Variants in STX8 observed in about 807,000 individuals in gnomAD.
STX8 encodes the protein syntaxin 8, also known as syntaxin-8.
Under a neutral mutation model 37.5 loss-of-function variants are expected in STX8, and 23 were observed. That is an observed-to-expected ratio of 0.61 (90% CI 0.44 to 0.87). STX8 has a LOEUF of 0.87. Among genes scored for constraint, STX8 ranks in the 40% least tolerant of loss-of-function variants. STX8 has a pLI of 0.00. For synonymous variants in STX8, 115 were observed against 99.1 expected, an observed-to-expected ratio of 1.16 and a Z score of -0.95; for missense variants, 313 against 284.7, an observed-to-expected ratio of 1.10 and a Z score of -0.71.
At chr17:9,279,413 C>G (rs776696504) in intron 7 of STX8, among the ~76,000 whole-genome samples, 2 of 152,116 alleles carry the variant, frequency 1.3e-5, no homozygotes, top group African/African-American at 4.8e-5. Context: ...ATGAACCTGA[C>G]GCTCAGAAGC....
chr17:9,503,105 CAAAAA>C (rs61437085), intron 5 of STX8, among the ~76,000 whole-genome samples: 7 of 58,600 alleles, frequency 1.2e-4, no homozygotes, highest in African/African-American at 3.0e-4. Flanking sequence ...GACTCTGTCT[CAAAAA>C]AAAAAAAAAA....
intron 4 of STX8, among the ~76,000 whole-genome samples, chr17:9,541,898 C>G (rs1205789024): frequency 3.4e-4 from 51 of 152,196 alleles, no homozygotes; most frequent in Non-Finnish European, 1.5e-5. Context: ...CGTTCTAACC[C>G]TGCCACCTAC....
chr17:9,291,441 C>CAAA lies in STX8; in HGVS notation c.644-40799_644-40797dup, dbSNP rs371757156. On this transcript the variant is annotated intron_variant, in intron 7 of 7. Transcript: ENST00000306357. ...GGGCGATGGGAGTGAGACTCGGTCT[C>CAAA]AAAAAAAAAAAAAAAAAAAGTATGT... is the stretch of plus-strand genomic sequence containing the variant. Among the ~76,000 whole-genome samples the CAAA allele has an allele frequency of 9.7e-3, 821 of 84,994 alleles. 15 individuals carry two copies. The highest frequency in any genetic ancestry group is 0.037 in the African/African-American group (744 of 20,220). 55.8% of individuals were successfully genotyped at this position (84,994 alleles called of 152,430 possible).
chr17:9,354,894 C>A (rs973326896), intron 7 of STX8, among the ~76,000 whole-genome samples: 9 of 152,156 alleles, frequency 5.9e-5, no homozygotes, highest in African/African-American at 2.2e-4. Context: ...TTACTTCTCT[C>A]CCTTGTTTCT....
rs368937146 is a variant in STX8 at position 9,501,689 on chromosome 17, A to G, written c.448+3349T>C. ...CTGGGCAACAGTCTCAAAAAAATAA[A>G]CAGGCCAGGCACGGTGGCTCACGCC... On this transcript the variant is annotated intron_variant, in intron 5 of 7. Transcript: ENST00000306357. Among the ~76,000 whole-genome samples the G allele has an allele frequency of 3.1e-4, 45 of 146,390 alleles. 2 individuals carry two copies. In the South Asian group the frequency reaches 6.4e-3, roughly 21 times the overall value.
chr17:9,472,599 G>T (rs74707512), intron 6 of STX8, among the ~76,000 whole-genome samples: 2 of 152,230 alleles, frequency 1.3e-5, no homozygotes, highest in East Asian at 3.9e-4. Context: ...TTCCTTTGAG[G>T]TTCTCTTTGG....
chr17:9,558,243 G>A (rs1394767016), intron 2 of STX8, among the ~76,000 whole-genome samples: 2 of 152,156 alleles, frequency 1.3e-5, no homozygotes, highest in East Asian at 1.9e-4. Context: ...ATTCAACCAC[G>A]GATGAAATCA....
intron 6 of STX8, among the ~76,000 whole-genome samples, chr17:9,412,050 A>C (rs1912998575): frequency 6.6e-6 from 1 of 152,164 alleles, no homozygotes. Context: ...ATTCAATTAA[A>C]TATTAAAGTC....
chr17:9,272,585 C>T lies in STX8; in HGVS notation c.644-21940G>A, dbSNP rs114514445. On this transcript the variant is annotated intron_variant, in intron 7 of 7. Transcript: ENST00000306357. ...GCCACAGCTGTCTGCCATCCCAGAG[C>T]GTACCCCGAAGCTAGCGCGCCAGCG... Among the ~76,000 whole-genome samples the T allele has an allele frequency of 2.3e-3, 352 of 152,366 alleles. 1 individual carries two copies. Among genetic ancestry groups the T allele is most frequent in the African/African-American group, 8.1e-3 (336 of 41,588 alleles).
At chr17:9,502,055 G>C (rs372931112) in intron 5 of STX8, among the ~76,000 whole-genome samples, 2 of 152,170 alleles carry the variant, frequency 1.3e-5, no homozygotes, top group East Asian at 3.9e-4. Flanking sequence ...AAGATAACAA[G>C]TGTTGGCAAG....
chr17:9,418,843 G>A (rs868342012), intron 6 of STX8, among the ~76,000 whole-genome samples: 1 of 145,622 alleles, frequency 6.9e-6, no homozygotes, highest in Non-Finnish European at 1.5e-5. Context: ...AAAAAAAGGG[G>A]GGGGGGAAGG....
intron 7 of STX8, among the ~76,000 whole-genome samples, chr17:9,264,402 T>G (rs1907156360): frequency 6.6e-6 from 1 of 152,176 alleles, no homozygotes; most frequent in African/African-American, 2.4e-5. Flanking sequence ...CCTTCTGAGC[T>G]CAAGTGATCC....
intron 6 of STX8, among the ~76,000 whole-genome samples, chr17:9,447,407 T>A (rs945299861): frequency 1.3e-5 from 2 of 152,190 alleles, no homozygotes; most frequent in African/African-American, 4.8e-5. Context: ...CTTAGGAAGA[T>A]TTTGAGGAGT....
At chr17:9,313,948 T>C (rs1909286346) in intron 7 of STX8, among the ~76,000 whole-genome samples, 1 of 152,114 alleles carries the variant, frequency 6.6e-6, no homozygotes, top group African/African-American at 2.4e-5. Context: ...TAAATTCCCA[T>C]AACAGTTTAC....
intron 6 of STX8, among the ~76,000 whole-genome samples, chr17:9,483,691 A>AT (rs1169590013): frequency 6.6e-6 from 1 of 152,174 alleles, no homozygotes; most frequent in Admixed American, 6.5e-5. Context: ...GAGCACAGTC[A>AT]TATTTTCTAG....
At chr17:9,570,894 T>A (rs1245604671) in intron 1 of STX8, among the ~76,000 whole-genome samples, 1 of 152,134 alleles carries the variant, frequency 6.6e-6, no homozygotes, top group Non-Finnish European at 1.5e-5. Flanking sequence ...TTAAAGCAGG[T>A]CTCTTATTCA....
intron 7 of STX8, among the ~76,000 whole-genome samples, chr17:9,352,818 G>T (rs1327451780): frequency 6.6e-6 from 1 of 151,902 alleles, no homozygotes; most frequent in African/African-American, 2.4e-5. Flanking sequence ...ATGGACTCAT[G>T]GATGCATTTT....
chr17:9,515,485 G>C (rs896429436), intron 4 of STX8, among the ~76,000 whole-genome samples: 1 of 150,476 alleles, frequency 6.6e-6, no homozygotes, highest in Non-Finnish European at 1.5e-5. Flanking sequence ...GTGTTTCTTT[G>C]AAGTCTTTCT....
chr17:9,297,309 G>T (rs1345260929), intron 7 of STX8, among the ~76,000 whole-genome samples: 1 of 149,818 alleles, frequency 6.7e-6, no homozygotes, highest in Non-Finnish European at 1.5e-5. Context: ...AGTGAGTATA[G>T]AAACTCATCT....
Sources: gnomAD v4.1 joint callset for allele counts (sites outside exome capture counted in the v4.1 genomes callset) on GRCh38, gnomAD v4.1.1 for gene constraint, MANE v1.5 for transcripts, NCBI Gene and HGNC (gene_info 2026-07-23, HGNC 2026-07-21) for gene names.